Variants in KCNH7 observed in about 807,000 individuals in gnomAD.
KCNH7 encodes the protein potassium voltage-gated channel subfamily H member 7, also known as voltage-gated inwardly rectifying potassium channel KCNH7.
In KCNH7, 49 loss-of-function variants were observed where a neutral mutation model predicts 120.8. That is an observed-to-expected ratio of 0.41 (90% CI 0.32 to 0.51). The LOEUF (loss-of-function observed/expected upper bound fraction) is 0.51, where lower values mean the gene tolerates loss of function less well. Among genes scored for constraint, KCNH7 ranks in the 20% least tolerant of loss-of-function variants. The pLI is 0.38. For missense variants in KCNH7, 1,097 were observed against 1,446.6 expected, an observed-to-expected ratio of 0.76 and a Z score of 3.92; for synonymous variants, 547 against 516.1, an observed-to-expected ratio of 1.06 and a Z score of -0.81.
intron 2 of KCNH7, among the ~76,000 whole-genome samples, chr2:162,718,604 T>C (rs914418461): frequency 6.6e-6 from 1 of 152,034 alleles, no homozygotes; most frequent in Non-Finnish European, 1.5e-5. Context: ...AAAGTGGCTC[T>C]GGAAGAACTT....
At chr2:162,495,912 G>A (rs1690481363) in intron 6 of KCNH7, among the ~76,000 whole-genome samples, 1 of 152,152 alleles carries the variant, frequency 6.6e-6, no homozygotes, top group African/African-American at 2.4e-5. Flanking sequence ...CCAAATCTTA[G>A]CAGGGATAAC....
At chr2:162,469,518 G>A (rs989459486) in intron 6 of KCNH7, among the ~76,000 whole-genome samples, 3 of 152,102 alleles carry the variant, frequency 2.0e-5, no homozygotes, top group African/African-American at 4.8e-5. Context: ...TAAAGGATAT[G>A]TGCTTTTGGT....
rs114806104 is a variant in KCNH7 at position 162,642,556 on chromosome 2, G to A, written c.308-105476C>T. Among the ~76,000 whole-genome samples the A allele has an allele frequency of 4.6e-3, 701 of 152,296 alleles. 7 individuals are homozygous for A. The highest frequency in any genetic ancestry group is 0.016 in the African/African-American group (671 of 41,570). On this transcript the variant is annotated intron_variant, in intron 2 of 15. Transcript: ENST00000332142. ...CACAGGAAAAGGCATAGCATACATT[G>A]TGGGCTCTTGGAGAAATGTATTGTT...
At position 162,838,560 on chromosome 2, in the gene KCNH7, G is replaced by T; in HGVS notation, c.-42C>A. ...CGAGGAGCGCTCCCCCGGAGCTCTG[G>T]AGTTCTCCCGGGATCTCTCCTCGGC... On this transcript the variant is annotated 5_prime_UTR_variant, in exon 1 of 16. Transcript: ENST00000332142. 1 of 1,528,014 alleles carries T rather than the reference G, an allele frequency of 6.5e-7. No homozygotes were observed. The highest frequency in any genetic ancestry group is 9.0e-7 in the Non-Finnish European group (1 of 1,109,038). The allele number at this position is 1,528,014 out of a possible 1,614,324, so 94.7% of individuals were successfully genotyped here.
chr2:162,588,017 A>G lies in KCNH7; in HGVS notation c.308-50937T>C, dbSNP rs1694076414. Among the ~76,000 whole-genome samples the G allele has an allele frequency of 2.0e-5, 3 of 152,226 alleles. 1 individual carries two copies. In the South Asian group the frequency reaches 6.2e-4, roughly 32 times the overall value. ...CCAAGAAATGAAAGCCAGCCATGCTATTGAATAGGAATACTAGTGGCATTG... is the reference window on the plus strand; with the variant it reads ...CCAAGAAATGAAAGCCAGCCATGCTGTTGAATAGGAATACTAGTGGCATTG... On this transcript the variant is annotated intron_variant, in intron 2 of 15. Coordinates refer to ENST00000332142, the MANE Select transcript of KCNH7 (RefSeq NM_033272.4).
chr2:162,437,235 G>C (rs1688270245), intron 7 of KCNH7, among the ~76,000 whole-genome samples: 1 of 152,084 alleles, frequency 6.6e-6, no homozygotes, highest in Non-Finnish European at 1.5e-5. Context: ...GTTAGTATTG[G>C]AACCCTTTAA....
chr2:162,495,132 A>T (rs1558976750), intron 6 of KCNH7, among the ~76,000 whole-genome samples: 1 of 152,170 alleles, frequency 6.6e-6, no homozygotes. Flanking sequence ...GTGCAGTAAG[A>T]ATCCATTATC....
chr2:162,538,086 A>G (rs1003506536), intron 2 of KCNH7: 7 of 152,110 alleles, frequency 4.6e-5, no homozygotes, highest in Admixed American at 1.3e-4. Context: ...TAAAATGCCA[A>G]AACTTCAGAA....
chr2:162,724,449 G>T (rs1687442210), intron 2 of KCNH7, among the ~76,000 whole-genome samples: 1 of 151,852 alleles, frequency 6.6e-6, no homozygotes, highest in Non-Finnish European at 1.5e-5. Flanking sequence ...GAGGCGGGCG[G>T]ATCACGAGGT....
chr2:162,439,466 A>T lies in KCNH7; in HGVS notation c.1555-3869T>A, dbSNP rs896230534. 8.1e-4 allele frequency among the ~76,000 whole-genome samples: 123 copies of T among 152,268 alleles called. 1 individual carries two copies. The highest frequency in any genetic ancestry group is 2.9e-3 in the African/African-American group (121 of 41,580). ...CACTAACTATAGCAAAGGGGACATA[A>T]TGAACTCTTAACAAGTCAAGACTTC... On this transcript the variant is annotated intron_variant, in intron 7 of 15. Transcript: ENST00000332142.
intron 5 of KCNH7, among the ~76,000 whole-genome samples, chr2:162,510,539 C>T (rs1691036285): frequency 6.6e-6 from 1 of 151,512 alleles, no homozygotes; most frequent in African/African-American, 2.4e-5. Context: ...CCTCACCTGA[C>T]ATGAATAAAT....
intron 3 of KCNH7, among the ~76,000 whole-genome samples, chr2:162,531,030 G>T (rs186481588): frequency 6.6e-6 from 1 of 151,978 alleles, no homozygotes; most frequent in East Asian, 2.0e-4. Flanking sequence ...TAAATAATGG[G>T]CCTTTGTAAT....
At chr2:162,763,538 A>G (rs1217840325) in intron 2 of KCNH7, among the ~76,000 whole-genome samples, 1 of 152,150 alleles carries the variant, frequency 6.6e-6, no homozygotes, top group African/African-American at 2.4e-5. Context: ...CAAAATTGTT[A>G]GAAAATACGA....
chr2:162,833,010 G>C (rs1232971512), intron 2 of KCNH7, among the ~76,000 whole-genome samples: 1 of 136,628 alleles, frequency 7.3e-6, no homozygotes, highest in African/African-American at 2.6e-5. Flanking sequence ...TGCTACCATA[G>C]TGTGTATGAA....
At chr2:162,732,267 G>T (rs1687758298) in intron 2 of KCNH7, among the ~76,000 whole-genome samples, 1 of 152,114 alleles carries the variant, frequency 6.6e-6, no homozygotes, top group African/African-American at 2.4e-5. Context: ...CTCATGACGT[G>T]ACAGCCTCTG....
chr2:162,713,841 C>G (rs972202138), intron 2 of KCNH7, among the ~76,000 whole-genome samples: 1 of 152,006 alleles, frequency 6.6e-6, no homozygotes, highest in African/African-American at 2.4e-5. Flanking sequence ...CTCTGCCTCC[C>G]GGGTTCAAGT....
intron 2 of KCNH7, among the ~76,000 whole-genome samples, chr2:162,711,514 T>C (rs1366457128): frequency 6.6e-6 from 1 of 152,228 alleles, no homozygotes; most frequent in African/African-American, 2.4e-5. Context: ...TCCATCTTCA[T>C]CCTGCATTTT....
At chr2:162,780,792 AT>A (rs1444220702) in intron 2 of KCNH7, among the ~76,000 whole-genome samples, 1 of 152,160 alleles carries the variant, frequency 6.6e-6, no homozygotes, top group Non-Finnish European at 1.5e-5. Context: ...TGCAGTAGAC[AT>A]TATTTTGACT....
At position 162,384,850 on chromosome 2, in the gene KCNH7, A is replaced by G; in HGVS notation, c.2800T>C (p.Ser934Pro). Residue 934 changes from serine to proline, a missense_variant, in exon 13 of 16, where the codon TCC (serine) becomes CCC (proline). Coordinates refer to ENST00000332142, the MANE Select transcript of KCNH7 (RefSeq NM_033272.4). Reference protein sequence around the residue: ...KRHFEEKKSRSSSFISSIDDE... With the variant: ...KRHFEEKKSRPSSFISSIDDE... Reference sequence around the variant, plus strand: ...TCAATGGAGGAGATGAAAGATGAGGATCTGCTTTTTTTCTCTTCAAAGTGT... The same window carrying G: ...TCAATGGAGGAGATGAAAGATGAGGGTCTGCTTTTTTTCTCTTCAAAGTGT... 1.2e-6 allele frequency: 2 copies of G among 1,612,730 alleles called. No individual in the cohort carries two copies. The highest frequency in any genetic ancestry group is 1.7e-6 in the Non-Finnish European group (2 of 1,179,062).
Sources: allele counts gnomAD v4.1 joint callset (sites outside exome capture counted in the v4.1 genomes callset), GRCh38; gene constraint gnomAD v4.1.1; transcripts MANE v1.5; gene names NCBI Gene and HGNC (gene_info 2026-07-23, HGNC 2026-07-21).